The following UBAP1L variants were observed in gnomAD, a reference collection of about 807,000 sequenced individuals.
UBAP1L encodes the protein ubiquitin-associated protein 1-like.
UBAP1L carries 32 observed loss-of-function variants against 32.1 expected under a neutral mutation model. The observed-to-expected ratio is 1.00, with a 90% CI of 0.75 to 1.34. UBAP1L has a LOEUF of 1.34. Among genes scored for constraint, UBAP1L ranks in the 40% most tolerant of loss-of-function variants. The probability of loss-of-function intolerance (pLI) is 0.00; values close to 1 mark genes in which losing one functional copy is unlikely to be tolerated. For synonymous variants in UBAP1L, 243 were observed against 250.2 expected (o/e 0.97, Z 0.27); for missense variants, 516 against 540.5 (o/e 0.95, Z 0.45).
At position 65,102,121 on chromosome 15, in the gene UBAP1L, G is replaced by C; in HGVS notation, c.684C>G (p.His228Gln). ...GAATCCTTACCGCGACCGTAGGCTT[G>C]TGGCTCCGCAGCGGGGGGATGGCGC... is the stretch of plus-strand genomic sequence containing the variant. ...TAGAIPPLRS[H>Q]KPTVASLSPY... Residue 228 changes from histidine (H) to glutamine (Q), a missense_variant, in exon 3 of 6, where the codon CAC (histidine) becomes CAG (glutamine). Coordinates refer to ENST00000559089, the MANE Select transcript of UBAP1L (RefSeq NM_001163692.2). This position sits in a 1 kb window ranked among gnomAD's most constrained non-coding sequence, Gnocchi z 5.0. 1 of 1,206,242 alleles carries C rather than the reference G, an allele frequency of 8.3e-7. No homozygotes were observed. Among genetic ancestry groups the C allele is most frequent in the South Asian group, 4.1e-5 (1 of 24,160 alleles). 74.7% of individuals were successfully genotyped at this position (1,206,242 alleles called of 1,614,324 possible).
At chr15:65,099,774 G>T in intron 3 of UBAP1L, 60 bp from the exon 4 acceptor site, 1 of 1,443,604 alleles carries the variant, frequency 6.9e-7, no homozygotes, top group Non-Finnish European at 9.3e-7. Flanking sequence ...CAGTTGGGCT[G>T]GACATTTTTA....
chr15:65,095,792 TAGCACAAGGAGGCTTC>T (rs1410327976), intron 4 of UBAP1L: 1 of 152,248 alleles, frequency 6.6e-6, no homozygotes, highest in Non-Finnish European at 1.5e-5. Flanking sequence ...GTGTTTGTCT[TAGCACAAGGAGGCTTC>T]AGCAATAACA....
chr15:65,093,364 A>T, intron 5 of UBAP1L, 133 bp from the exon 6 acceptor site: 1 of 1,144,602 alleles, frequency 8.7e-7, no homozygotes, highest in Non-Finnish European at 1.2e-6. Flanking sequence ...CGTGAGCCTG[A>T]TCCTGGGCCA....
At chr15:65,099,472 C>G in intron 4 of UBAP1L, 33 bp downstream of exon 4, 1 of 1,543,652 alleles carries the variant, frequency 6.5e-7, no homozygotes, top group Non-Finnish European at 8.7e-7. Context: ...GCTCCAGCAT[C>G]ACAGCTCATC....
intron 3 of UBAP1L, 70 bp from the exon 4 acceptor site, chr15:65,099,784 A>T (rs2140561318): frequency 4.4e-6 from 6 of 1,379,026 alleles, no homozygotes; most frequent in Non-Finnish European, 5.9e-6. Flanking sequence ...GGACATTTTT[A>T]AAAATGCCTT....
Position 65,102,335 on chromosome 15 carries a change from C to G in UBAP1L, c.470G>C (p.Gly157Ala). The G allele has an allele frequency of 6.9e-7, 1 of 1,459,042 alleles. No individual in the cohort carries two copies. Among genetic ancestry groups the G allele is most frequent in the South Asian group, 1.3e-5 (1 of 75,934 alleles). The allele number at this position is 1,459,042 out of a possible 1,614,324, so 90.4% of individuals were successfully genotyped here. A position where few individuals can be genotyped will look rare whatever the true frequency, so the allele number is the denominator to read the frequency against. ...VLRGVRLELA[G>A]ARRRLSEGKL... is the part of the protein sequence containing the mutation. ...CCCCTCGGAGAGCCGCCGCCGCGCC[C>G]CTGCCAGCTCCAACCGCACGCCGCG... is the stretch of plus-strand genomic sequence containing the variant. The change falls in exon 3 of 6, where the codon GGG (glycine) becomes GCG (alanine). Residue 157 changes from glycine to alanine, a missense_variant. Physicochemically the swap from Gly to Ala is moderately conservative, Grantham distance 60. Transcript: ENST00000559089. The surrounding 1 kb of genome is among the most constrained non-coding windows in gnomAD (Gnocchi z 5.0).
chr15:65,101,789 C>T (rs2087241976), intron 3 of UBAP1L, among the ~76,000 whole-genome samples: 1 of 152,210 alleles, frequency 6.6e-6, no homozygotes, highest in South Asian at 2.1e-4. Flanking sequence ...GATCCAGTCC[C>T]TGCCCTAAAA....
Position 65,094,086 on chromosome 15 carries a change from A to C in UBAP1L, c.1011+389T>G, listed in dbSNP as rs1343388585. Among the ~76,000 whole-genome samples the C allele has an allele frequency of 1.3e-5, 2 of 152,168 alleles. No individual in the cohort carries two copies. The highest frequency in any genetic ancestry group is 4.8e-5 in the African/African-American group (2 of 41,440). ...GACTATTGGGCCTACAGCTGCATGCACTTGGGGTAGGCGGCACGCTCCCCA... is the reference window on the plus strand; with the variant it reads ...GACTATTGGGCCTACAGCTGCATGCCCTTGGGGTAGGCGGCACGCTCCCCA... On this transcript the variant is annotated intron_variant, in intron 5 of 5. Coordinates refer to ENST00000559089, the MANE Select transcript of UBAP1L (RefSeq NM_001163692.2). This position sits in a 1 kb window ranked among gnomAD's most constrained non-coding sequence, Gnocchi z 4.2.
chr15:65,111,671 G>A (rs1208983237), intron 1 of UBAP1L, among the ~76,000 whole-genome samples: 1 of 150,714 alleles, frequency 6.6e-6, no homozygotes, highest in Admixed American at 6.6e-5. Context: ...CTGTAGTAGA[G>A]GTGGGGTTTC....
chr15:65,111,504 C>T (rs1395019790), intron 1 of UBAP1L, among the ~76,000 whole-genome samples: 1 of 152,110 alleles, frequency 6.6e-6, no homozygotes, highest in Non-Finnish European at 1.5e-5. Context: ...TTTTTTGAGA[C>T]GGACTCTCGC....
At position 65,102,611 on chromosome 15, in the gene UBAP1L, C is replaced by T. The variant is rs1199822041; in HGVS notation, c.194G>A (p.Cys65Tyr). Reference protein sequence around the residue: ...AAGQGPSPYQCGDPGTASAPP... With the variant: ...AAGQGPSPYQYGDPGTASAPP... ...GGCTGACGCTGTCCCCGGGTCACCG[C>T]ACTGGTACGGGCTGGGTCCCTGGCC... The change falls in exon 3 of 6, where the codon TGC becomes TAC. Residue 65 changes from cysteine to tyrosine, a missense_variant. Coordinates refer to ENST00000559089, the MANE Select transcript of UBAP1L (RefSeq NM_001163692.2). This position sits in a 1 kb window ranked among gnomAD's most constrained non-coding sequence, Gnocchi z 5.0. The T allele has an allele frequency of 3.2e-6, 5 of 1,549,546 alleles. No homozygotes were observed. Among genetic ancestry groups the T allele is most frequent in the South Asian group, 1.2e-5 (1 of 84,046 alleles).
At chr15:65,103,838 C>T (rs1188317253) in intron 2 of UBAP1L, among the ~76,000 whole-genome samples, 1 of 152,132 alleles carries the variant, frequency 6.6e-6, no homozygotes, top group African/African-American at 2.4e-5. Flanking sequence ...ATGAGGCATA[C>T]TTGGAGAGAA....
chr15:65,113,282 A>G (rs1328203922), intron 1 of UBAP1L, among the ~76,000 whole-genome samples: 3 of 152,184 alleles, frequency 2.0e-5, no homozygotes, highest in African/African-American at 7.2e-5. Context: ...TTTCAAAATA[A>G]AAATTAAACT....
intron 5 of UBAP1L, among the ~76,000 whole-genome samples, chr15:65,093,834 A>G (rs1193435060): frequency 6.6e-6 from 1 of 152,046 alleles, no homozygotes; most frequent in Non-Finnish European, 1.5e-5. Context: ...ACTTGAGATC[A>G]GGCATTCGAG....
intron 1 of UBAP1L, among the ~76,000 whole-genome samples, chr15:65,108,338 A>G (rs868476047): frequency 3.9e-5 from 6 of 152,194 alleles, no homozygotes; most frequent in Admixed American, 6.5e-5. Flanking sequence ...CTAAAAATCA[A>G]TTCCAGGTGG....
Position 65,093,012 on chromosome 15 carries a change from A to T in UBAP1L, c.*85T>A. On this transcript the variant is annotated 3_prime_UTR_variant, in exon 6 of 6. Coordinates refer to ENST00000559089, the MANE Select transcript of UBAP1L (RefSeq NM_001163692.2). ...AAGTATGCATCACTTTGTTACTCTT[A>T]CTTGGTTTTAATAATACAGTTAGGA... 1 of 1,461,678 alleles carries T rather than the reference A, an allele frequency of 6.8e-7. No individual in the cohort carries two copies. The highest frequency in any genetic ancestry group is 9.1e-7 in the Non-Finnish European group (1 of 1,104,152). 90.5% of individuals were successfully genotyped at this position (1,461,678 alleles called of 1,614,324 possible).
chr15:65,097,643 A>T (rs1396796320), intron 4 of UBAP1L: 1 of 152,148 alleles, frequency 6.6e-6, no homozygotes, highest in African/African-American at 2.4e-5. Context: ...AGAGAGAGAG[A>T]TTCATGCAAG....
At chr15:65,114,594 A>G (rs531633843) in intron 1 of UBAP1L, among the ~76,000 whole-genome samples, 1 of 152,290 alleles carries the variant, frequency 6.6e-6, no homozygotes, top group Admixed American at 6.5e-5. Context: ...TCTTCACTCT[A>G]AACTCCAGGA....
At chr15:65,110,471 A>G (rs2087361437) in intron 1 of UBAP1L, among the ~76,000 whole-genome samples, 1 of 151,558 alleles carries the variant, frequency 6.6e-6, no homozygotes, top group African/African-American at 2.4e-5. Flanking sequence ...TGAGGTCAGG[A>G]GTTCAAGACC....
Sources: allele counts gnomAD v4.1 joint callset (sites outside exome capture counted in the v4.1 genomes callset), GRCh38; gene constraint gnomAD v4.1.1; non-coding constraint Gnocchi (gnomAD v3.1); transcripts MANE v1.5; gene names NCBI Gene and HGNC (gene_info 2026-07-23, HGNC 2026-07-21).